VEZF1: variants seen among roughly 807,000 people sequenced by gnomAD.
The protein encoded by VEZF1 is putative transcription factor DB1.
In VEZF1, 5 loss-of-function variants were observed where a neutral mutation model predicts 44.1. The observed-to-expected ratio is 0.11, with a 90% CI of 0.06 to 0.24. The LOEUF (loss-of-function observed/expected upper bound fraction) is 0.24. VEZF1 is among the 10% of genes least tolerant of loss of function. The pLI, the probability that VEZF1 is intolerant of heterozygous loss-of-function variation, is 1.00. For missense variants in VEZF1, 358 were observed against 641.8 expected, an observed-to-expected ratio of 0.56 and a Z score of 4.78; for synonymous variants, 236 against 233.1, an observed-to-expected ratio of 1.01 and a Z score of -0.11.
intron 5 of VEZF1, among the ~76,000 whole-genome samples, chr17:57,977,481 G>T (rs1029234795): frequency 1.3e-5 from 2 of 152,096 alleles, no homozygotes; most frequent in African/African-American, 4.8e-5. Flanking sequence ...GGAACAAGCA[G>T]CACCTGAGGA....
In VEZF1 at chr17:57,980,599, C is replaced by G. The variant is rs969014026; in HGVS notation, c.976+4G>C. ...AAAGAAAGAAAATCTGAAGCACCAC[C>G]TACTTTTACTGATGCCTTGTTTACA... On this transcript the variant is annotated splice_donor_region_variant and intron_variant, in intron 4 of 5. Transcript: ENST00000581208. 7 of 1,611,724 alleles carry G rather than the reference C, an allele frequency of 4.3e-6. No homozygotes were observed. Among genetic ancestry groups the G allele is most frequent in the Non-Finnish European group, 5.9e-6 (7 of 1,179,572 alleles).
rs1445506978 is a variant in VEZF1, at chr17:57,971,904, T to TC, written c.*2568dup. ...GCCTTCAACACCTGGTTGAATCAGTTCATCAACATCGAAACTCAATTCCAG... is the reference window on the plus strand; with the variant it reads ...GCCTTCAACACCTGGTTGAATCAGTTCCATCAACATCGAAACTCAATTCCAG... On this transcript the variant is annotated 3_prime_UTR_variant, in exon 6 of 6. Coordinates refer to ENST00000581208, the MANE Select transcript of VEZF1 (RefSeq NM_007146.3). 6.6e-6 allele frequency: 1 copy of TC among 152,586 alleles called. No homozygotes were observed. The highest frequency in any genetic ancestry group is 2.1e-4 in the South Asian group (1 of 4,818). The allele number at this position is 152,586 out of a possible 1,614,324, so 9.5% of individuals were successfully genotyped here.
chr17:57,980,777 C>T lies in VEZF1; in HGVS notation c.802G>A (p.Ala268Thr). 6.2e-7 allele frequency: 1 copy of T among 1,614,112 alleles called. No individual in the cohort carries two copies. Among genetic ancestry groups the T allele is most frequent in the Non-Finnish European group, 8.5e-7 (1 of 1,179,984 alleles). The change falls in exon 4 of 6, where the codon GCT becomes ACT. Residue 268 changes from alanine (A) to threonine (T), a missense_variant. Coordinates refer to ENST00000581208, the MANE Select transcript of VEZF1 (RefSeq NM_007146.3). ...ERPFKCQTCT[A>T]AFATKDRLRT... ...AGTCTGTCTTTGGTGGCAAAGGCAG[C>T]AGTGCACGTCTGCATGAGGGAGGAA...
chr17:57,979,461 T>A (rs2075225597), intron 4 of VEZF1, 148 bp from the exon 5 acceptor site: 2 of 1,185,228 alleles, frequency 1.7e-6, no homozygotes, highest in East Asian at 5.2e-5. Context: ...TGTGTCTATA[T>A]TGGTCAAAAT....
rs1306323874 is a variant in VEZF1 at position 57,974,746 on chromosome 17, T to C, written c.1293A>G (p.Ser431=). The C allele has an allele frequency of 6.2e-7, 1 of 1,614,058 alleles. No homozygotes were observed. The highest frequency in any genetic ancestry group is 8.5e-7 in the Non-Finnish European group (1 of 1,180,040). The change falls in exon 6 of 6, where the codon TCA becomes TCG. Residue 431 remains serine, a synonymous_variant. Coordinates refer to ENST00000581208, the MANE Select transcript of VEZF1 (RefSeq NM_007146.3). ...TTGGGCTGGTTATGTTAACTGCACT[T>C]GAAACATTTACTGGACTTCTCATGC... ...AMSMRSPVNV[S]SAVNITSPMN...
chr17:57,978,005 C>A (rs2075209123), intron 5 of VEZF1, among the ~76,000 whole-genome samples: 1 of 152,028 alleles, frequency 6.6e-6, no homozygotes, highest in South Asian at 2.1e-4. Context: ...GAGTTCAAGA[C>A]TAGCCTGGCC....
chr17:57,979,684 G>A (rs2075228407), intron 4 of VEZF1, among the ~76,000 whole-genome samples: 1 of 152,016 alleles, frequency 6.6e-6, no homozygotes, highest in South Asian at 2.1e-4. Flanking sequence ...TATAGGCCGG[G>A]TGCAGTGGCT....
chr17:57,983,244 A>G lies in VEZF1; in HGVS notation c.183T>C (p.Asp61=). 1 of 1,614,048 alleles carries G rather than the reference A, an allele frequency of 6.2e-7. No individual in the cohort carries two copies. The highest frequency in any genetic ancestry group is 8.5e-7 in the Non-Finnish European group (1 of 1,179,992). The change falls in exon 2 of 6, where the codon GAT becomes GAC. Residue 61 remains aspartate, a synonymous_variant. Coordinates refer to ENST00000581208, the MANE Select transcript of VEZF1 (RefSeq NM_007146.3). The stretch of plus-strand genomic sequence containing the variant: ...GTTTTTCTTTTTTAATCCCAATGGC[A>G]TCCTTTAATGTTTCTGGTGCACCCT... ...KPQGAPETLK[D]AIGIKKEKPK...
chr17:57,984,613 G>A (rs2075279167), intron 1 of VEZF1, among the ~76,000 whole-genome samples: 1 of 152,124 alleles, frequency 6.6e-6, no homozygotes, highest in African/African-American at 2.4e-5. Flanking sequence ...ACTTTAGACG[G>A]TTACTTACCC....
At chr17:57,984,542 G>A (rs1266194482) in intron 1 of VEZF1, among the ~76,000 whole-genome samples, 1 of 152,160 alleles carries the variant, frequency 6.6e-6, no homozygotes, top group Non-Finnish European at 1.5e-5. Flanking sequence ...GCACTCAAGA[G>A]GAGTTTCAAA....
At chr17:57,981,034 A>G (rs968422944) in intron 3 of VEZF1, among the ~76,000 whole-genome samples, 2 of 152,242 alleles carry the variant, frequency 1.3e-5, no homozygotes, top group Non-Finnish European at 2.9e-5. Flanking sequence ...AGGGTAAGTT[A>G]AACCTGGGTT....
rs1368248551 is a variant in VEZF1 at position 57,971,565 on chromosome 17, A to C, written c.*2908T>G. The C allele has an allele frequency of 2.6e-5, 4 of 152,460 alleles. No homozygotes were observed. The highest frequency in any genetic ancestry group is 5.9e-5 in the Non-Finnish European group (4 of 68,040). The allele number at this position is 152,460 out of a possible 1,614,324, so 9.4% of individuals were successfully genotyped here. On this transcript the variant is annotated 3_prime_UTR_variant, in exon 6 of 6. Coordinates refer to ENST00000581208, the MANE Select transcript of VEZF1 (RefSeq NM_007146.3). ...TCCATCATAACATTTGTGACCAGTT[A>C]ACTTTAATTTTCAAAATAAATCTGC...
chr17:57,984,695 C>A (rs1161065957), intron 1 of VEZF1, among the ~76,000 whole-genome samples: 1 of 152,202 alleles, frequency 6.6e-6, no homozygotes, highest in Non-Finnish European at 1.5e-5. Flanking sequence ...CACACACACT[C>A]ACAGCTCCTC....
chr17:57,983,945 TCGTTAA>T (rs1341410028), intron 1 of VEZF1, among the ~76,000 whole-genome samples: 6 of 152,348 alleles, frequency 3.9e-5, no homozygotes, highest in Non-Finnish European at 7.3e-5. Context: ...CATTTGCTAG[TCGTTAA>T]CGTTAAGTTT....
Position 57,974,740 on chromosome 17 carries a change from T to C in VEZF1, c.1299A>G (p.Ala433=). 1 of 1,614,200 alleles carries C rather than the reference T, an allele frequency of 6.2e-7. No homozygotes were observed. The highest frequency in any genetic ancestry group is 8.5e-7 in the Non-Finnish European group (1 of 1,180,042). Reference sequence around the variant, plus strand: ...TGTTCATTGGGCTGGTTATGTTAACTGCACTTGAAACATTTACTGGACTTC... The same window carrying C: ...TGTTCATTGGGCTGGTTATGTTAACCGCACTTGAAACATTTACTGGACTTC... ...SMRSPVNVSS[A]VNITSPMNIG... Residue 433 remains alanine, a synonymous_variant, in exon 6 of 6, where the codon GCA becomes GCG. Transcript: ENST00000581208.
intron 1 of VEZF1, among the ~76,000 whole-genome samples, chr17:57,987,458 A>G (rs754603676): frequency 2.6e-5 from 4 of 152,272 alleles, no homozygotes; most frequent in South Asian, 4.1e-4. Flanking sequence ...CGCCCCCCCA[A>G]CTGGGTAAAC....
At chr17:57,977,692 A>G (rs1218488663) in intron 5 of VEZF1, among the ~76,000 whole-genome samples, 2 of 151,932 alleles carry the variant, frequency 1.3e-5, no homozygotes, top group Admixed American at 6.6e-5. Flanking sequence ...TAAAAATACA[A>G]AATTAGCTGG....
At chr17:57,987,280 C>G (rs2075304371) in intron 1 of VEZF1, among the ~76,000 whole-genome samples, 1 of 152,128 alleles carries the variant, frequency 6.6e-6, no homozygotes, top group Non-Finnish European at 1.5e-5. Context: ...CACCGCTCCC[C>G]GCCTGCCCCG....
At chr17:57,982,518 T>C (rs2075258934) in intron 2 of VEZF1, among the ~76,000 whole-genome samples, 181 bp downstream of exon 2, 1 of 152,138 alleles carries the variant, frequency 6.6e-6, no homozygotes, top group African/African-American at 2.4e-5. Flanking sequence ...TCACCACTTG[T>C]CAATCACACC....
Sources: gnomAD v4.1 joint callset for allele counts (sites outside exome capture counted in the v4.1 genomes callset) on GRCh38, gnomAD v4.1.1 for gene constraint, MANE v1.5 for transcripts, NCBI Gene and HGNC (gene_info 2026-07-23, HGNC 2026-07-21) for gene names.